IQUB: variants seen among roughly 807,000 people sequenced by gnomAD.
IQUB encodes the protein IQ motif and ubiquitin-like domain-containing protein.
IQUB carries 86 observed loss-of-function variants against 86.4 expected under a neutral mutation model. That is an observed-to-expected ratio of 1.00 (90% CI 0.84 to 1.19). The LOEUF (loss-of-function observed/expected upper bound fraction) is 1.19. Among genes scored for constraint, IQUB ranks in the 50% most tolerant of loss-of-function variants. IQUB has a pLI of 0.00. For missense variants in IQUB, 946 were observed against 916.9 expected (o/e 1.03, Z -0.41); for synonymous variants, 289 against 304.5 (o/e 0.95, Z 0.53).
chr7:123,520,864 G>T (rs1213935996), intron 1 of IQUB, among the ~76,000 whole-genome samples: 3 of 152,128 alleles, frequency 2.0e-5, no homozygotes, highest in African/African-American at 7.2e-5. Flanking sequence ...ATTTAGTGAT[G>T]AACTAAATGT....
intron 1 of IQUB, chr7:123,533,055 C>T (rs746740380): frequency 6.6e-6 from 1 of 152,190 alleles, no homozygotes; most frequent in African/African-American, 2.4e-5. Flanking sequence ...GCTGCCAGAC[C>T]TCTGACTCCC....
intron 3 of IQUB, among the ~76,000 whole-genome samples, chr7:123,507,117 A>T (rs2117232019): frequency 6.6e-6 from 1 of 152,312 alleles, no homozygotes; most frequent in Middle Eastern, 3.4e-3. Flanking sequence ...AGGTTTACTT[A>T]TTCTTAGAAA....
At chr7:123,526,991 A>C (rs891117061) in intron 1 of IQUB, among the ~76,000 whole-genome samples, 13 of 152,106 alleles carry the variant, frequency 8.5e-5, no homozygotes, top group Non-Finnish European at 1.2e-4. Context: ...TTCTGGGTTG[A>C]AAATTCTTTT....
At chr7:123,519,883 A>G (rs1204664122) in intron 1 of IQUB, among the ~76,000 whole-genome samples, 1 of 152,242 alleles carries the variant, frequency 6.6e-6, no homozygotes, top group Non-Finnish European at 1.5e-5. Context: ...CACGTATCAA[A>G]TATCACAGTT....
At chr7:123,452,999 G>A (rs369924968) in intron 12 of IQUB, 74 bp from the exon 13 acceptor site, 157 of 1,124,834 alleles carry the variant, frequency 1.4e-4, no homozygotes, top group Admixed American at 1.1e-3. Context: ...GTCATGCCTC[G>A]GTGCCTTTGC....
rs781048643 is a variant in IQUB at position 123,479,839 on chromosome 7, A to G, written c.1366T>C (p.Tyr456His). 32 of 1,612,870 alleles carry G rather than the reference A, an allele frequency of 2.0e-5. No individual in the cohort carries two copies. The highest frequency in any genetic ancestry group is 2.5e-5 in the Non-Finnish European group (29 of 1,179,374). ...ASIGRHRYIA[Y>H]MANQEAAIQA... ...ATTGCTGCTTCCTGATTTGCCATAT[A>G]AGCAATGTATCTATGTCTCCCAATG... Residue 456 changes from tyrosine to histidine, a missense_variant, in exon 8 of 13, where the codon TAT becomes CAT. By Grantham distance (83) the Tyr-to-His change is moderately conservative (BLOSUM62 2). Transcript: ENST00000324698.
chr7:123,531,788 A>G (rs3863952), intron 1 of IQUB, among the ~76,000 whole-genome samples: 25,639 of 152,206 alleles, frequency 0.17, 2,392 homozygotes, highest in South Asian at 0.26. Context: ...TTTCATTAAG[A>G]AAGTGTTTCA....
intron 8 of IQUB, among the ~76,000 whole-genome samples, chr7:123,474,453 G>T (rs976345032): frequency 6.6e-6 from 1 of 152,136 alleles, no homozygotes; most frequent in Non-Finnish European, 1.5e-5. Context: ...GATAATACTA[G>T]GCTTGGGGGT....
At chr7:123,490,896 A>G (rs1412508034) in intron 7 of IQUB, among the ~76,000 whole-genome samples, 1 of 151,934 alleles carries the variant, frequency 6.6e-6, no homozygotes, top group East Asian at 1.9e-4. Context: ...CCCGGGAGTC[A>G]GAGGTTGTGG....
At chr7:123,518,307 C>A (rs1796741105) in intron 1 of IQUB, among the ~76,000 whole-genome samples, 1 of 152,150 alleles carries the variant, frequency 6.6e-6, no homozygotes, top group Non-Finnish European at 1.5e-5. Context: ...ATTCTTGAAA[C>A]TCCTACCCCA....
intron 1 of IQUB, among the ~76,000 whole-genome samples, chr7:123,517,713 C>G (rs1796714358): frequency 6.6e-6 from 1 of 151,944 alleles, no homozygotes. Context: ...GGACCAACAA[C>G]AAAAAAGCTT....
intron 6 of IQUB, among the ~76,000 whole-genome samples, chr7:123,498,973 C>T (rs1022413922): frequency 6.6e-6 from 1 of 151,888 alleles, no homozygotes; most frequent in Non-Finnish European, 1.5e-5. Flanking sequence ...ATGTGTAGAA[C>T]ATAAGAAGTA....
intron 7 of IQUB, among the ~76,000 whole-genome samples, chr7:123,484,642 GAAT>G (rs1397168851): frequency 1.3e-5 from 2 of 151,874 alleles, no homozygotes; most frequent in Non-Finnish European, 2.9e-5. Context: ...AAAAATCAAA[GAAT>G]AATATACTAC....
intron 7 of IQUB, among the ~76,000 whole-genome samples, chr7:123,481,533 C>A (rs1185301724): frequency 6.6e-6 from 1 of 151,982 alleles, no homozygotes; most frequent in African/African-American, 2.4e-5. Context: ...GTAAGAAACC[C>A]TGGGGAATTT....
intron 1 of IQUB, among the ~76,000 whole-genome samples, chr7:123,523,366 T>C (rs1176622620): frequency 1.4e-5 from 2 of 147,980 alleles, no homozygotes; most frequent in Non-Finnish European, 3.0e-5. Context: ...CAGCACCTGT[T>C]GTTTCCTGAC....
intron 7 of IQUB, 58 bp from the exon 8 acceptor site, chr7:123,480,028 C>A: frequency 1.6e-6 from 2 of 1,272,286 alleles, no homozygotes; most frequent in Non-Finnish European, 2.2e-6. Flanking sequence ...TGAATGATCA[C>A]ATCCTGATGA....
chr7:123,508,410 A>G (rs2117240373), intron 3 of IQUB, among the ~76,000 whole-genome samples: 1 of 152,344 alleles, frequency 6.6e-6, no homozygotes, highest in South Asian at 2.1e-4. Flanking sequence ...AGAAACCAAT[A>G]CAGGGTCCCC....
Position 123,502,705 on chromosome 7 carries a change from G to A in IQUB, c.915C>T (p.Ser305=). ...ATACACCAATGTTAGTCATCTGTGTGGATGTTGTATTTGTAGTTTGTTGGA... is the reference window on the plus strand; with the variant it reads ...ATACACCAATGTTAGTCATCTGTGTAGATGTTGTATTTGTAGTTTGTTGGA... ...KNLQQTTNTT[S]TQMTNIGVYV... Residue 305 remains serine (S), a synonymous_variant, in exon 6 of 13, where the codon TCC becomes TCT. Coordinates refer to ENST00000324698, the MANE Select transcript of IQUB (RefSeq NM_178827.5). 1 of 1,608,058 alleles carries A rather than the reference G, an allele frequency of 6.2e-7. No individual in the cohort carries two copies. The highest frequency in any genetic ancestry group is 8.5e-7 in the Non-Finnish European group (1 of 1,177,510).
Position 123,461,517 on chromosome 7 carries a change from G to T in IQUB, c.1847C>A (p.Ser616Ter), listed in dbSNP as rs1339662313. The change falls in exon 11 of 13, where the codon TCA becomes TAA. Residue 616 changes from serine (S) to a stop codon, truncating the protein, a stop_gained. Transcript: ENST00000324698. LOFTEE classifies it high-confidence loss of function. The part of the protein sequence containing the change: ...LYLPSTEFSV[S>*]STSRRIYRCR... ...CCGGTATATGCGGCGTGAGGTGGAT[G>T]ATACAGAAAATTCTGTAGAAGGCAA... The T allele has an allele frequency of 6.2e-7, 1 of 1,612,136 alleles. No homozygotes were observed. The highest frequency in any genetic ancestry group is 1.7e-5 in the Admixed American group (1 of 59,744).
Sources: allele counts gnomAD v4.1 joint callset (sites outside exome capture counted in the v4.1 genomes callset), GRCh38; gene constraint gnomAD v4.1.1; transcripts MANE v1.5; gene names NCBI Gene and HGNC (gene_info 2026-07-23, HGNC 2026-07-21).